The following OR5T1 variants were observed in gnomAD, a reference collection of about 807,000 sequenced individuals.
OR5T1 encodes olfactory receptor 5T1.
OR5T1 carries 14 observed loss-of-function variants against 10.1 expected under a neutral mutation model. The observed-to-expected ratio is 1.39, with a 90% confidence interval of 0.92 to 2.18. The LOEUF is 2.18. Among genes scored for constraint, OR5T1 ranks in the 30% most tolerant of loss-of-function variants. The probability of loss-of-function intolerance (pLI) is 0.00; values close to 1 mark genes in which losing one functional copy is unlikely to be tolerated. For missense variants in OR5T1, 461 were observed against 383.9 expected, an observed-to-expected ratio of 1.20 and a Z score of -1.68; for synonymous variants, 166 against 141.2, an observed-to-expected ratio of 1.18 and a Z score of -1.24.
rs1478887186 is a variant in OR5T1, at chr11:56,274,676, T to C, written c.-231T>C. On this transcript the variant is annotated 5_prime_UTR_variant, in exon 2 of 3. It removes an upstream start codon present in the reference 5' UTR. Coordinates refer to ENST00000641665, the MANE Select transcript of OR5T1 (RefSeq NM_001004745.2). ...CACAAAAGGAAAAATAAATGAAAAATGAACACCAAATTCTTTTGGTTTGCA... is the reference window on the plus strand; with the variant it reads ...CACAAAAGGAAAAATAAATGAAAAACGAACACCAAATTCTTTTGGTTTGCA... 6.6e-6 allele frequency: 1 copy of C among 151,768 alleles called. No individual in the cohort carries two copies. Among genetic ancestry groups the C allele is most frequent in the East Asian group, 1.9e-4 (1 of 5,170 alleles). The allele number at this position is 151,768 out of a possible 1,614,324, so 9.4% of individuals were successfully genotyped here. A position where few individuals can be genotyped will look rare whatever the true frequency, so the allele number is the denominator to read the frequency against.
chr11:56,274,319 T>G (rs1853909202), intron 1 of OR5T1, 147 bp downstream of exon 1: 1 of 152,222 alleles, frequency 6.6e-6, no homozygotes, highest in Admixed American at 6.5e-5. Flanking sequence ...TCACATACTT[T>G]CCAAGGATCA....
Position 56,276,542 on chromosome 11 carries a change from T to A in OR5T1, c.904T>A (p.Tyr302Asn). The change falls in exon 3 of 3, where the codon TAC (tyrosine) becomes AAC (asparagine). Residue 302 changes from tyrosine (Y) to asparagine (N), a missense_variant. Physicochemically the swap from Tyr to Asn is moderately radical, Grantham distance 143. Transcript: ENST00000641665. ...IVIPMLNPIIYSLRNKDVKEA... is the reference protein window; with the variant it reads ...IVIPMLNPIINSLRNKDVKEA... ...GATTCCCATGCTGAATCCCATCATC[T>A]ACAGTTTGCGGAACAAAGATGTAAA... 6.2e-7 allele frequency: 1 copy of A among 1,613,260 alleles called. No homozygotes were observed. The highest frequency in any genetic ancestry group is 8.5e-7 in the Non-Finnish European group (1 of 1,179,198).
In OR5T1 at chr11:56,276,109, C is replaced by A. The variant is rs865794937; in HGVS notation, c.471C>A (p.Ile157=). The A allele has an allele frequency of 6.2e-7, 1 of 1,614,040 alleles. No individual in the cohort carries two copies. The highest frequency in any genetic ancestry group is 8.5e-7 in the Non-Finnish European group (1 of 1,180,038). Residue 157 remains isoleucine (I), a synonymous_variant, in exon 3 of 3, where the codon ATC becomes ATA. Transcript: ENST00000641665. ...CACCCAGAGTCTATGTGCCACTCATCACTGCTTCCTATGTTGCTAGCATTT... is the reference window on the plus strand; with the variant it reads ...CACCCAGAGTCTATGTGCCACTCATAACTGCTTCCTATGTTGCTAGCATTT... ...SMSPRVYVPL[I]TASYVASILH... is the part of the protein sequence containing the mutation.
Position 56,276,302 on chromosome 11 carries a change from A to T in OR5T1, c.664A>T (p.Thr222Ser). Residue 222 changes from threonine (T) to serine (S), a missense_variant, in exon 3 of 3, where the codon ACT (threonine) becomes TCT (serine). By Grantham distance (58) the Thr-to-Ser change is moderately conservative. Coordinates refer to ENST00000641665, the MANE Select transcript of OR5T1 (RefSeq NM_001004745.2). Reference sequence around the variant, plus strand: ...CTTTGTGGGCTCTATTGAGATAGTCACTATCCTGATTGTCCTGATCTCCTA... The same window carrying T: ...CTTTGTGGGCTCTATTGAGATAGTCTCTATCCTGATTGTCCTGATCTCCTA... ...FYFVGSIEIV[T>S]ILIVLISYGF... 6.2e-7 allele frequency: 1 copy of T among 1,614,074 alleles called. No homozygotes were observed. Among genetic ancestry groups the T allele is most frequent in the Non-Finnish European group, 8.5e-7 (1 of 1,179,984 alleles).
chr11:56,276,669 T>A lies in OR5T1; in HGVS notation c.*50T>A. On this transcript the variant is annotated 3_prime_UTR_variant, in exon 3 of 3. Coordinates refer to ENST00000641665, the MANE Select transcript of OR5T1 (RefSeq NM_001004745.2). Reference sequence around the variant, plus strand: ...ATAATATTGGGTGTCAGTCCACATCTCTATGGTCAGAAAGTAGAGAAGAAA... The same window carrying A: ...ATAATATTGGGTGTCAGTCCACATCACTATGGTCAGAAAGTAGAGAAGAAA... 3 of 1,324,590 alleles carry A rather than the reference T, an allele frequency of 2.3e-6. No homozygotes were observed. The highest frequency in any genetic ancestry group is 3.2e-6 in the Non-Finnish European group (3 of 948,836). The allele number at this position is 1,324,590 out of a possible 1,614,324, so 82.1% of individuals were successfully genotyped here.
At chr11:56,274,378 G>A (rs1179948192) in intron 1 of OR5T1, among the ~76,000 whole-genome samples, 2 of 152,100 alleles carry the variant, frequency 1.3e-5, no homozygotes, top group Non-Finnish European at 2.9e-5. Flanking sequence ...AAAAATAATT[G>A]TATTACTTGT....
Position 56,276,392 on chromosome 11 carries a change from A to C in OR5T1, c.754A>C (p.Thr252Pro). 6.2e-7 allele frequency: 1 copy of C among 1,614,144 alleles called. No homozygotes were observed. Among genetic ancestry groups the C allele is most frequent in the East Asian group, 2.2e-5 (1 of 44,856 alleles). The change falls in exon 3 of 3, where the codon ACA becomes CCA. Residue 252 changes from threonine to proline, a missense_variant. Transcript: ENST00000641665. Reference protein sequence around the residue: ...SAEGRRKVFSTCGAHLTGVTI... With the variant: ...SAEGRRKVFSPCGAHLTGVTI... ...TGAAGGGAGGAGAAAAGTCTTCTCT[A>C]CATGTGGAGCTCACCTAACTGGAGT... is the stretch of plus-strand genomic sequence containing the variant.
rs1590818165 is a variant in OR5T1 at position 56,276,759 on chromosome 11, G to A, written c.*140G>A. 1.6e-6 allele frequency: 1 copy of A among 631,444 alleles called. No homozygotes were observed. The highest frequency in any genetic ancestry group is 2.7e-6 in the Non-Finnish European group (1 of 367,398). 39.1% of individuals were successfully genotyped at this position (631,444 alleles called of 1,614,324 possible). On this transcript the variant is annotated 3_prime_UTR_variant, in exon 3 of 3. Transcript: ENST00000641665. Reference sequence around the variant, plus strand: ...ATATTTTCAAATAAAGCATCAATCAGCCTACTAATTCACCATTTTAGAAAT... The same window carrying A: ...ATATTTTCAAATAAAGCATCAATCAACCTACTAATTCACCATTTTAGAAAT...
At position 56,276,544 on chromosome 11, in the gene OR5T1, C is replaced by T. The variant is rs758184816; in HGVS notation, c.906C>T (p.Tyr302=). The T allele has an allele frequency of 6.2e-7, 1 of 1,612,892 alleles. No individual in the cohort carries two copies. Among genetic ancestry groups the T allele is most frequent in the East Asian group, 2.2e-5 (1 of 44,854 alleles). ...IVIPMLNPII[Y]SLRNKDVKEA... The stretch of plus-strand genomic sequence containing the variant: ...TTCCCATGCTGAATCCCATCATCTA[C>T]AGTTTGCGGAACAAAGATGTAAAGG... Residue 302 remains tyrosine (Y), a synonymous_variant, in exon 3 of 3, where the codon TAC becomes TAT. Transcript: ENST00000641665.
In OR5T1 at chr11:56,275,580, A is replaced by AG; in HGVS notation, c.-59_-58insG. 5.8e-5 allele frequency: 78 copies of AG among 1,347,664 alleles called. No homozygotes were observed. Among genetic ancestry groups the AG allele is most frequent in the Non-Finnish European group, 7.8e-5 (77 of 986,016 alleles). 83.5% of individuals were successfully genotyped at this position (1,347,664 alleles called of 1,614,324 possible). The stretch of plus-strand genomic sequence containing the variant: ...TCCAAGAAACGAACATGAGGATATA[A>AG]TTGGATAAACTTAATTTTCACAGGC... On this transcript the variant is annotated 5_prime_UTR_variant, in exon 3 of 3. Coordinates refer to ENST00000641665, the MANE Select transcript of OR5T1 (RefSeq NM_001004745.2).
In OR5T1 at chr11:56,276,118, C is replaced by T; in HGVS notation, c.480C>T (p.Ser160=). The change falls in exon 3 of 3, where the codon TCC becomes TCT. Residue 160 remains serine, a synonymous_variant. Coordinates refer to ENST00000641665, the MANE Select transcript of OR5T1 (RefSeq NM_001004745.2). ...PRVYVPLITA[S]YVASILHATI... The stretch of plus-strand genomic sequence containing the variant: ...TCTATGTGCCACTCATCACTGCTTC[C>T]TATGTTGCTAGCATTTTACATGCTA... 6.2e-7 allele frequency: 1 copy of T among 1,614,132 alleles called. No homozygotes were observed. The highest frequency in any genetic ancestry group is 8.5e-7 in the Non-Finnish European group (1 of 1,180,016).
chr11:56,275,973 A>G lies in OR5T1; in HGVS notation c.335A>G (p.Gln112Arg). Residue 112 changes from glutamine to arginine, a missense_variant, in exon 3 of 3, where the codon CAG becomes CGG. By Grantham distance (43) the Gln-to-Arg change is conservative. Transcript: ENST00000641665. ...KSISFLGCAT[Q>R]MFLACTFGTT... is the part of the protein sequence containing the mutation. ...ATTTCATTTCTTGGATGTGCAACACAGATGTTTCTTGCTTGTACTTTTGGA... is the reference window on the plus strand; with the variant it reads ...ATTTCATTTCTTGGATGTGCAACACGGATGTTTCTTGCTTGTACTTTTGGA... 6.2e-7 allele frequency: 1 copy of G among 1,614,160 alleles called. No homozygotes were observed. Among genetic ancestry groups the G allele is most frequent in the Non-Finnish European group, 8.5e-7 (1 of 1,180,042 alleles).
rs1048635719 is a variant in OR5T1 at position 56,274,691 on chromosome 11, T to C, written c.-216T>C. The C allele has an allele frequency of 6.6e-6, 1 of 152,130 alleles. No homozygotes were observed. Among genetic ancestry groups the C allele is most frequent in the Non-Finnish European group, 1.5e-5 (1 of 68,022 alleles). The allele number at this position is 152,130 out of a possible 1,614,324, so 9.4% of individuals were successfully genotyped here. On this transcript the variant is annotated 5_prime_UTR_variant, in exon 2 of 3. Transcript: ENST00000641665. ...AAATGAAAAATGAACACCAAATTCT[T>C]TTGGTTTGCAAACAAGGTGCATCTA...
At chr11:56,275,192 G>A (rs975153790) in intron 2 of OR5T1, among the ~76,000 whole-genome samples, 2 of 152,122 alleles carry the variant, frequency 1.3e-5, no homozygotes, top group Non-Finnish European at 2.9e-5. Context: ...GTATACACGT[G>A]CCACGGTGGT....
At position 56,275,989 on chromosome 11, in the gene OR5T1, T is replaced by C. The variant is rs556330952; in HGVS notation, c.351T>C (p.Cys117=). Residue 117 remains cysteine (C), a synonymous_variant, in exon 3 of 3, where the codon TGT becomes TGC. Transcript: ENST00000641665. ...LGCATQMFLA[C]TFGTTECFLL... ...GTGCAACACAGATGTTTCTTGCTTG[T>C]ACTTTTGGAACCACAGAATGCTTTC... 1.2e-6 allele frequency: 2 copies of C among 1,614,236 alleles called. No homozygotes were observed. Among genetic ancestry groups the C allele is most frequent in the African/African-American group, 2.7e-5 (2 of 75,060 alleles).
rs1465840978 is a variant in OR5T1, at chr11:56,274,184, G to A, written c.-272+12G>A. On this transcript the variant is annotated intron_variant, in intron 1 of 2. Transcript: ENST00000641665. ...GTTCATTTCCAAAGGTAAGAGAAAAGGAATCTGATCACTTGTAAAATATTA... is the reference window on the plus strand; with the variant it reads ...GTTCATTTCCAAAGGTAAGAGAAAAAGAATCTGATCACTTGTAAAATATTA... The A allele has an allele frequency of 6.6e-6, 1 of 152,062 alleles. No homozygotes were observed. The highest frequency in any genetic ancestry group is 1.9e-4 in the East Asian group (1 of 5,192). The allele number at this position is 152,062 out of a possible 1,614,324, so 9.4% of individuals were successfully genotyped here.
In OR5T1 at chr11:56,276,416, G is replaced by A. The variant is rs764017462; in HGVS notation, c.778G>A (p.Val260Met). 1 of 1,613,968 alleles carries A rather than the reference G, an allele frequency of 6.2e-7. No homozygotes were observed. The highest frequency in any genetic ancestry group is 2.2e-5 in the East Asian group (1 of 44,866). Residue 260 changes from valine to methionine, a missense_variant, in exon 3 of 3, where the codon GTG (valine) becomes ATG (methionine). Val to Met is a conservative substitution (Grantham distance 21). Transcript: ENST00000641665. ...TACATGTGGAGCTCACCTAACTGGAGTGACAATTTATCATGGGACAATCCT... is the reference window on the plus strand; with the variant it reads ...TACATGTGGAGCTCACCTAACTGGAATGACAATTTATCATGGGACAATCCT... ...FSTCGAHLTG[V>M]TIYHGTILFM...
Position 56,276,786 on chromosome 11 carries a change from T to G in OR5T1, c.*167T>G, listed in dbSNP as rs913735110. The G allele has an allele frequency of 9.9e-6, 6 of 603,800 alleles. No homozygotes were observed. The highest frequency in any genetic ancestry group is 3.7e-5 in the African/African-American group (2 of 53,938). 37.4% of individuals were successfully genotyped at this position (603,800 alleles called of 1,614,324 possible). A position where few individuals can be genotyped will look rare whatever the true frequency, so the allele number is the denominator to read the frequency against. On this transcript the variant is annotated 3_prime_UTR_variant, in exon 3 of 3. Transcript: ENST00000641665. ...CTACTAATTCACCATTTTAGAAATA[T>G]CAATATATTGTATCATGTATAAAAT...
In OR5T1 at chr11:56,276,384, T is replaced by A; in HGVS notation, c.746T>A (p.Val249Asp). ...CAGTCTGCTGAAGGGAGGAGAAAAG[T>A]CTTCTCTACATGTGGAGCTCACCTA... is the stretch of plus-strand genomic sequence containing the variant. ...KMQSAEGRRK[V>D]FSTCGAHLTG... is the part of the protein sequence containing the mutation. Residue 249 changes from valine (V) to aspartate (D), a missense_variant, in exon 3 of 3, where the codon GTC (valine) becomes GAC (aspartate). Transcript: ENST00000641665. 6.2e-7 allele frequency: 1 copy of A among 1,614,140 alleles called. No homozygotes were observed. The highest frequency in any genetic ancestry group is 8.5e-7 in the Non-Finnish European group (1 of 1,180,028).
Sources: allele counts gnomAD v4.1 joint callset (sites outside exome capture counted in the v4.1 genomes callset), GRCh38; gene constraint gnomAD v4.1.1; transcripts MANE v1.5; gene names NCBI Gene and HGNC (gene_info 2026-07-23, HGNC 2026-07-21).